The following MAPK10 variants were observed in gnomAD, a reference collection of about 807,000 sequenced individuals.
MAPK10 encodes mitogen-activated protein kinase 10, also known as JNK3 alpha protein kinase.
A neutral mutation model predicts 59.3 loss-of-function variants in MAPK10; 25 were observed. That is an observed-to-expected ratio of 0.42 (90% CI 0.31 to 0.59). MAPK10 has a LOEUF of 0.59. Among genes scored for constraint, MAPK10 ranks in the 20% least tolerant of loss-of-function variants. The pLI is 0.15. For missense variants in MAPK10, 351 were observed against 568.9 expected (o/e 0.62, Z 3.90); for synonymous variants, 190 against 200.5 (o/e 0.95, Z 0.44).
intron 1 of MAPK10, among the ~76,000 whole-genome samples, chr4:86,512,139 T>C (rs1481387323): frequency 1.3e-5 from 2 of 152,164 alleles, no homozygotes; most frequent in East Asian, 1.9e-4. Flanking sequence ...TTAAGGTAAC[T>C]TTTTTCTTAA....
Position 86,548,667 on chromosome 4 carries a change from G to A in MAPK10, c.-263+45243C>T, listed in dbSNP as rs117162125. ...CTTCCTGTATAGCCCATGGAACCAT[G>A]AGCCAATTAAACCTCTTTTCTTTAT... is the stretch of plus-strand genomic sequence containing the variant. On this transcript the variant is annotated intron_variant, in intron 1 of 4. Transcript: ENST00000502302. Among the ~76,000 whole-genome samples, 38 of 152,240 alleles carry A rather than the reference G, an allele frequency of 2.5e-4. 1 individual carries two copies. The East Asian group carries it at 6.9e-3, about 28-fold the overall frequency.
intron 2 of MAPK10, among the ~76,000 whole-genome samples, chr4:86,350,133 C>G (rs1361112143): frequency 6.6e-6 from 1 of 152,140 alleles, no homozygotes; most frequent in Non-Finnish European, 1.5e-5. Context: ...TTCAATGCAA[C>G]CTCTGCCTCC....
intron 1 of MAPK10, among the ~76,000 whole-genome samples, chr4:86,483,749 C>G (rs1038578290): frequency 5.3e-5 from 8 of 152,088 alleles, no homozygotes; most frequent in Admixed American, 4.6e-4. Flanking sequence ...TCTCTACCCT[C>G]TAACAGCTCA....
chr4:86,460,518 G>A (rs146939952), intron 1 of MAPK10, among the ~76,000 whole-genome samples: 18 of 152,350 alleles, frequency 1.2e-4, no homozygotes, highest in African/African-American at 4.3e-4. Flanking sequence ...AATGCCAATA[G>A]TGTAATGCTG....
chr4:86,223,476 G>T (rs1462969335), intron 2 of MAPK10, among the ~76,000 whole-genome samples: 6 of 152,218 alleles, frequency 3.9e-5, no homozygotes, highest in Admixed American at 3.3e-4. Flanking sequence ...TGAGAATGGA[G>T]GCTCTCACAG....
At chr4:86,360,110 C>T (rs1194720307), upstream of MAPK10, 9 of 985,534 alleles carry the variant, frequency 9.1e-6, no homozygotes, top group Non-Finnish European at 3.6e-6. Context: ...CTATGGCAAC[C>T]GAAAGGAGCA....
At chr4:86,328,568 A>G (rs2096077176) in intron 2 of MAPK10, among the ~76,000 whole-genome samples, 1 of 152,226 alleles carries the variant, frequency 6.6e-6, no homozygotes, top group Non-Finnish European at 1.5e-5. Context: ...TTACTGCAGC[A>G]CTATTTACAA....
At position 86,566,713 on chromosome 4, in the gene MAPK10, TA is replaced by T. The variant is rs146401159; in HGVS notation, c.-263+27196del. On this transcript the variant is annotated intron_variant, in intron 1 of 4. Coordinates refer to the MAPK10 transcript ENST00000502302. Reference sequence around the variant, plus strand: ...CTGAGTGACAGAGTGAGAATCCATTTAAAAAAAAAAAGTAGTCTATATTGTA... The same window carrying T: ...CTGAGTGACAGAGTGAGAATCCATTTAAAAAAAAAAGTAGTCTATATTGTA... Among the ~76,000 whole-genome samples, 495 of 146,794 alleles carry T rather than the reference TA, an allele frequency of 3.4e-3. 3 individuals are homozygous for T. Among genetic ancestry groups the T allele is most frequent in the Admixed American group, 8.3e-3 (122 of 14,692 alleles).
chr4:86,220,860 C>A (rs1206855763), intron 2 of MAPK10, among the ~76,000 whole-genome samples: 1 of 152,130 alleles, frequency 6.6e-6, no homozygotes, highest in Non-Finnish European at 1.5e-5. Flanking sequence ...TCTCTATAAC[C>A]TTTAAATATG....
At chr4:86,359,284 C>CTCTCTCTCTCTCTCTCTT (rs1564709183) in intron 1 of MAPK10, among the ~76,000 whole-genome samples, 21 of 132,940 alleles carry the variant, frequency 1.6e-4, no homozygotes, top group African/African-American at 6.1e-4. Context: ...CTCTCTCTCT[C>CTCTCTCTCTCTCTCTCTT]TCTCTGTGTG....
At chr4:86,583,232 C>T (rs906674847) in intron 1 of MAPK10, among the ~76,000 whole-genome samples, 4 of 151,938 alleles carry the variant, frequency 2.6e-5, no homozygotes, top group African/African-American at 4.8e-5. Context: ...ACTGTATCAG[C>T]CAGGATGGTC....
intron 9 of MAPK10, among the ~76,000 whole-genome samples, chr4:86,076,501 G>C (rs1234332984): frequency 6.6e-6 from 1 of 152,144 alleles, no homozygotes; most frequent in Non-Finnish European, 1.5e-5. Context: ...TTCAGTGCTT[G>C]TTTCAAGTAT....
intron 2 of MAPK10, among the ~76,000 whole-genome samples, chr4:86,333,884 T>C (rs2096212496): frequency 6.6e-6 from 1 of 152,198 alleles, no homozygotes; most frequent in African/African-American, 2.4e-5. Flanking sequence ...ATATATGTTT[T>C]AACTTTTACC....
At chr4:86,112,922 A>G (rs2057726817) in intron 4 of MAPK10, among the ~76,000 whole-genome samples, 1 of 151,660 alleles carries the variant, frequency 6.6e-6, no homozygotes, top group South Asian at 2.1e-4. Flanking sequence ...TATATTTAGG[A>G]GAGTTACCTC....
At chr4:86,334,741 C>T (rs1230998710) in intron 2 of MAPK10, among the ~76,000 whole-genome samples, 1 of 96,772 alleles carries the variant, frequency 1.0e-5, no homozygotes, top group Non-Finnish European at 2.2e-5. Flanking sequence ...GTACCCTATG[C>T]TCATTAAAAA....
intron 13 of MAPK10, chr4:86,026,502 T>A (rs1434752012): frequency 6.6e-6 from 1 of 152,194 alleles, no homozygotes; most frequent in Non-Finnish European, 1.5e-5. Flanking sequence ...ATACAACAAT[T>A]TCATCAATAA....
At chr4:86,129,353 C>T (rs543777237) in intron 4 of MAPK10, among the ~76,000 whole-genome samples, 142 of 152,210 alleles carry the variant, frequency 9.3e-4, no homozygotes, top group South Asian at 4.0e-3. Flanking sequence ...ATAAAAGTCA[C>T]AAAATTATTT....
chr4:86,323,416 A>G (rs1280095889), intron 2 of MAPK10, among the ~76,000 whole-genome samples: 1 of 152,198 alleles, frequency 6.6e-6, no homozygotes, highest in East Asian at 1.9e-4. Context: ...TGTGCCAGGC[A>G]TTGAGCTAAG....
intron 13 of MAPK10, chr4:86,026,935 A>G (rs114398903): frequency 2.7e-4 from 41 of 152,276 alleles, no homozygotes; most frequent in African/African-American, 9.9e-4. Context: ...GGGTCTGCCA[A>G]TTTCCATGTT....
Sources: gnomAD v4.1 joint callset for allele counts (sites outside exome capture counted in the v4.1 genomes callset) on GRCh38, gnomAD v4.1.1 for gene constraint, MANE v1.5 for transcripts, NCBI Gene and HGNC (gene_info 2026-07-23, HGNC 2026-07-21) for gene names.